The following CCDC178 variants were observed in gnomAD, a reference collection of about 807,000 sequenced individuals.
The protein encoded by CCDC178 is coiled-coil domain containing 178, also known as coiled-coil domain-containing protein 178.
In CCDC178, 126 loss-of-function variants were observed where a neutral mutation model predicts 117.4. The ratio of observed to expected loss-of-function variants is 1.07; its 90% CI spans 0.93 to 1.24. The LOEUF (loss-of-function observed/expected upper bound fraction) is 1.24. CCDC178 is among the 50% of genes most tolerant of loss of function. The pLI, the probability that CCDC178 is intolerant of heterozygous loss-of-function variation, is 0.00. For missense variants in CCDC178, 1,030 were observed against 986.9 expected, an observed-to-expected ratio of 1.04 and a Z score of -0.59; for synonymous variants, 283 against 313.4, an observed-to-expected ratio of 0.90 and a Z score of 1.02.
intron 11 of CCDC178, among the ~76,000 whole-genome samples, chr18:33,318,077 A>T (rs932473879): frequency 2.0e-5 from 3 of 152,138 alleles, no homozygotes; most frequent in Non-Finnish European, 4.4e-5. Flanking sequence ...AAAAGATAAG[A>T]ATATTCCCTC....
chr18:32,970,476 T>G (rs2054902981), intron 22 of CCDC178, among the ~76,000 whole-genome samples: 1 of 151,924 alleles, frequency 6.6e-6, no homozygotes, highest in Non-Finnish European at 1.5e-5. Context: ...ATAGGAAACA[T>G]TATTTAGACC....
intron 19 of CCDC178, among the ~76,000 whole-genome samples, chr18:33,212,311 AT>A (rs2059118034): frequency 6.6e-6 from 1 of 151,980 alleles, no homozygotes; most frequent in South Asian, 2.1e-4. Context: ...TTCTCTAGGC[AT>A]TTCAAGAAAA....
intron 21 of CCDC178, among the ~76,000 whole-genome samples, chr18:33,062,559 C>T (rs531191780): frequency 1.1e-4 from 16 of 152,222 alleles, no homozygotes; most frequent in East Asian, 5.8e-4. Context: ...ACTATTGTGA[C>T]GGACAGAAAG....
intron 21 of CCDC178, among the ~76,000 whole-genome samples, chr18:33,057,724 C>T (rs1215351108): frequency 6.6e-6 from 1 of 152,058 alleles, no homozygotes; most frequent in Non-Finnish European, 1.5e-5. Context: ...AAACTCCTGA[C>T]CTCAGGTGAT....
intron 21 of CCDC178, among the ~76,000 whole-genome samples, chr18:33,044,047 A>ATG (rs374505982): frequency 0.018 from 2,667 of 146,046 alleles, 70 homozygotes; most frequent in African/African-American, 0.054. Flanking sequence ...ACACCAGCAT[A>ATG]TGTGTGTGTG....
chr18:33,196,848 C>T (rs1486588128), intron 20 of CCDC178, among the ~76,000 whole-genome samples: 2 of 152,110 alleles, frequency 1.3e-5, no homozygotes, highest in East Asian at 3.9e-4. Flanking sequence ...TGTTGTTGTT[C>T]TATGTGCCTG....
intron 12 of CCDC178, 78 bp downstream of exon 12, chr18:33,293,081 A>C: frequency 9.9e-7 from 1 of 1,011,154 alleles, no homozygotes; most frequent in Non-Finnish European, 1.4e-6. Context: ...ATTGCTATTT[A>C]ATTATTGACA....
intron 14 of CCDC178, among the ~76,000 whole-genome samples, chr18:33,252,210 C>T (rs28696146): frequency 0.068 from 10,237 of 151,454 alleles, 516 homozygotes; most frequent in African/African-American, 0.14. Context: ...TGGTGTAGGA[C>T]GGAAGAAAAG....
At chr18:33,123,777 A>G (rs970587996) in intron 20 of CCDC178, among the ~76,000 whole-genome samples, 16 of 152,300 alleles carry the variant, frequency 1.1e-4, no homozygotes, top group African/African-American at 3.8e-4. Flanking sequence ...CTAAGGGAAT[A>G]TATTATCTCA....
chr18:32,942,742 T>C (rs1321603139), intron 22 of CCDC178, among the ~76,000 whole-genome samples: 2 of 152,192 alleles, frequency 1.3e-5, no homozygotes, highest in Admixed American at 1.3e-4. Context: ...CTGAAGTTTA[T>C]TAACACAGCA....
intron 21 of CCDC178, among the ~76,000 whole-genome samples, chr18:33,035,434 TA>T (rs1489784389): frequency 6.6e-6 from 1 of 151,942 alleles, no homozygotes; most frequent in African/African-American, 2.4e-5. Context: ...TAATCAGTCA[TA>T]AAAAAGAATA....
chr18:33,141,955 T>C (rs2058210725), intron 20 of CCDC178, among the ~76,000 whole-genome samples: 2 of 152,206 alleles, frequency 1.3e-5, no homozygotes, highest in South Asian at 2.1e-4. Context: ...ATCTCAGAGA[T>C]GTTAGTCCTA....
intron 19 of CCDC178, among the ~76,000 whole-genome samples, chr18:33,213,185 A>G (rs181077192): frequency 6.6e-6 from 1 of 152,106 alleles, no homozygotes; most frequent in Admixed American, 6.6e-5. Flanking sequence ...TAGTTGGTAA[A>G]TGACAGAACC....
chr18:33,129,816 A>T (rs957774785), intron 20 of CCDC178, among the ~76,000 whole-genome samples: 1 of 152,046 alleles, frequency 6.6e-6, no homozygotes, highest in Non-Finnish European at 1.5e-5. Context: ...AACAAATTCT[A>T]GTCATTTTCT....
At position 33,230,198 on chromosome 18, in the gene CCDC178, C is replaced by T. The variant is rs139125201; in HGVS notation, c.1594-3343G>A. 2.3e-3 allele frequency among the ~76,000 whole-genome samples: 350 copies of T among 152,182 alleles called. 2 individuals carry two copies. Among genetic ancestry groups the T allele is most frequent in the African/African-American group, 7.7e-3 (318 of 41,512 alleles). ...CCACTGAATATGCATCACTTTCACA[C>T]CATGGTAAAGTTGAAAAACTGTAAG... is the stretch of plus-strand genomic sequence containing the variant. On this transcript the variant is annotated intron_variant, in intron 15 of 22. Coordinates refer to ENST00000383096, the MANE Select transcript of CCDC178 (RefSeq NM_001105528.4).
chr18:33,219,838 T>G (rs1469700919), intron 18 of CCDC178, among the ~76,000 whole-genome samples: 4 of 151,994 alleles, frequency 2.6e-5, no homozygotes, highest in African/African-American at 4.8e-5. Context: ...GACGAGTTAA[T>G]GGGTGCAGCA....
intron 21 of CCDC178, among the ~76,000 whole-genome samples, chr18:33,057,568 T>C (rs1598836975): frequency 1.3e-5 from 2 of 152,276 alleles, no homozygotes; most frequent in African/African-American, 2.4e-5. Flanking sequence ...CTGGGCTCAC[T>C]GCAACCTCTG....
At chr18:33,335,221 A>C (rs1236583005) in intron 9 of CCDC178, among the ~76,000 whole-genome samples, 1 of 152,020 alleles carries the variant, frequency 6.6e-6, no homozygotes, top group East Asian at 1.9e-4. Context: ...TTGATAATTA[A>C]TTAAGTCCCT....
chr18:33,288,350 GTCCCCTCCTCTCCCTTCTGCTCTCC>G (rs2060127090), intron 12 of CCDC178, among the ~76,000 whole-genome samples: 1 of 42,614 alleles, frequency 2.3e-5, no homozygotes, highest in Admixed American at 2.9e-4. Flanking sequence ...CTCCCCTCCT[GTCCCCTCCTCTCCCTTCTGCTCTCC>G]TCCCCTCCTC....
Sources: allele counts gnomAD v4.1 joint callset (sites outside exome capture counted in the v4.1 genomes callset), GRCh38; gene constraint gnomAD v4.1.1; transcripts MANE v1.5; gene names NCBI Gene and HGNC (gene_info 2026-07-23, HGNC 2026-07-21).